The following DLGAP2 variants were observed in gnomAD, a reference collection of about 807,000 sequenced individuals.
DLGAP2 encodes the protein DLG associated protein 2, also known as disks large-associated protein 2.
A neutral mutation model predicts 100.3 loss-of-function variants in DLGAP2; 26 were observed. The observed-to-expected ratio is 0.26, with a 90% confidence interval of 0.19 to 0.36. DLGAP2 has a LOEUF of 0.36. Ranked by LOEUF, DLGAP2 falls within the 10% of genes least tolerant of loss-of-function variation. The pLI, the probability that DLGAP2 is intolerant of heterozygous loss-of-function variation, is 1.00. For synonymous variants in DLGAP2, 886 were observed against 630.1 expected (o/e 1.41, Z -6.08); for missense variants, 1,858 against 1,453.2 (o/e 1.28, Z -4.53).
At chr8:1,669,069 C>T (rs774656131) in intron 9 of DLGAP2, among the ~76,000 whole-genome samples, 13 of 152,142 alleles carry the variant, frequency 8.5e-5, no homozygotes, top group African/African-American at 1.2e-4. Context: ...AAAAGCTTTT[C>T]GGTATTGTGG....
At position 737,761 on chromosome 8, in the gene DLGAP2, C is replaced by T. The variant is rs898759771; in HGVS notation, c.-47C>T. On this transcript the variant is annotated 5_prime_UTR_variant, in exon 1 of 15. Coordinates refer to ENST00000637795, the MANE Select transcript of DLGAP2 (RefSeq NM_001346810.2). ...GGGAGCCGTCGGTCTGAGGAGGGGC[C>T]GCTTCGCCATGTCGCCCCGCACCTG... The T allele has an allele frequency of 1.3e-5, 5 of 377,286 alleles. No homozygotes were observed. Among genetic ancestry groups the T allele is most frequent in the African/African-American group, 1.1e-4 (5 of 47,548 alleles). The allele number at this position is 377,286 out of a possible 1,614,324, so 23.4% of individuals were successfully genotyped here.
In DLGAP2 at chr8:1,384,866, GCA is replaced by G. The variant is rs746085212; in HGVS notation, c.107-116497_107-116496del. Reference sequence around the variant, plus strand: ...TATGCCCGTCCCCTGAGAACTTGGTGCACAGTTACCCCGGTCTGTGCCCGTCC... The same window carrying G: ...TATGCCCGTCCCCTGAGAACTTGGTGCAGTTACCCCGGTCTGTGCCCGTCC... On this transcript the variant is annotated intron_variant, in intron 3 of 14. Coordinates refer to ENST00000637795, the MANE Select transcript of DLGAP2 (RefSeq NM_001346810.2). 9.5e-3 allele frequency among the ~76,000 whole-genome samples: 229 copies of G among 24,126 alleles called. 59 individuals are homozygous for G. The highest frequency in any genetic ancestry group is 0.079 in the East Asian group (9 of 114). The allele number at this position is 24,126 out of a possible 152,430, so 15.8% of individuals were successfully genotyped here. A position where few individuals can be genotyped will look rare whatever the true frequency, so the allele number is the denominator to read the frequency against.
At chr8:1,463,225 G>C (rs1584928265) in intron 3 of DLGAP2, among the ~76,000 whole-genome samples, 1 of 152,178 alleles carries the variant, frequency 6.6e-6, no homozygotes, top group Non-Finnish European at 1.5e-5. Context: ...CTCCAGCCTG[G>C]GTGACAGGGC....
intron 2 of DLGAP2, among the ~76,000 whole-genome samples, chr8:1,040,058 G>A (rs186528333): frequency 0.032 from 4,517 of 141,688 alleles, 177 homozygotes; most frequent in African/African-American, 0.12. Context: ...CTCGGTGTGC[G>A]TGGTCAGCTC....
At chr8:1,000,056 T>G (rs1352546414) in intron 2 of DLGAP2, among the ~76,000 whole-genome samples, 1 of 147,140 alleles carries the variant, frequency 6.8e-6, no homozygotes, top group African/African-American at 2.5e-5. Flanking sequence ...CTGGATTTTC[T>G]CTAGAGCAGA....
chr8:958,792 G>T (rs1159308410), intron 2 of DLGAP2, among the ~76,000 whole-genome samples: 1 of 152,146 alleles, frequency 6.6e-6, no homozygotes, highest in Admixed American at 6.6e-5. Flanking sequence ...AATGGAAAGG[G>T]CATATTGTGA....
intron 8 of DLGAP2, among the ~76,000 whole-genome samples, chr8:1,652,484 G>C (rs1798189967): frequency 6.6e-6 from 1 of 152,160 alleles, no homozygotes; most frequent in South Asian, 2.1e-4. Context: ...CTCTCTGTGT[G>C]AACTACTACC....
At chr8:1,267,804 G>A (rs1465757512) in intron 3 of DLGAP2, among the ~76,000 whole-genome samples, 3 of 151,804 alleles carry the variant, frequency 2.0e-5, no homozygotes, top group African/African-American at 7.3e-5. Context: ...TTTGTCCCAC[G>A]CTGAGCTCAG....
intron 3 of DLGAP2, among the ~76,000 whole-genome samples, chr8:1,264,976 G>C (rs766278222): frequency 6.6e-6 from 1 of 152,176 alleles, no homozygotes; most frequent in Non-Finnish European, 1.5e-5. Flanking sequence ...AAGACATGCC[G>C]TTGCTCCTCC....
At chr8:937,177 C>T (rs1799091541) in intron 2 of DLGAP2, among the ~76,000 whole-genome samples, 1 of 152,166 alleles carries the variant, frequency 6.6e-6, no homozygotes, top group South Asian at 2.1e-4. Context: ...TGCTGCCTGT[C>T]TTGCTGTTGT....
At chr8:1,248,955 C>T (rs150081400) in intron 2 of DLGAP2, among the ~76,000 whole-genome samples, 3 of 152,258 alleles carry the variant, frequency 2.0e-5, no homozygotes, top group East Asian at 1.9e-4. Flanking sequence ...CTCAGAGAGG[C>T]TGTGAAGGCT....
intron 8 of DLGAP2, among the ~76,000 whole-genome samples, chr8:1,642,567 T>C (rs866525585): frequency 0.03 from 4 of 134 alleles, no homozygotes; most frequent in Non-Finnish European, 0.034. Context: ...ACCCCGCCGG[T>C]CCTCACCTGT....
chr8:1,131,989 G>T (rs140699442), intron 2 of DLGAP2, among the ~76,000 whole-genome samples: 74 of 152,298 alleles, frequency 4.9e-4, no homozygotes, highest in Non-Finnish European at 8.4e-4. Flanking sequence ...AGCTTGACCA[G>T]CTGTGAAAGA....
chr8:1,358,802 G>C (rs1236573022), intron 3 of DLGAP2, among the ~76,000 whole-genome samples: 2 of 152,148 alleles, frequency 1.3e-5, no homozygotes, highest in African/African-American at 4.8e-5. Flanking sequence ...GAACCGAACT[G>C]CCTGATCAGG....
chr8:875,807 G>T (rs537554238), intron 1 of DLGAP2, among the ~76,000 whole-genome samples: 21 of 151,822 alleles, frequency 1.4e-4, no homozygotes, highest in Non-Finnish European at 2.7e-4. Flanking sequence ...CATTTATTTC[G>T]TGTTTGCTCT....
intron 2 of DLGAP2, among the ~76,000 whole-genome samples, chr8:1,197,928 A>T (rs1797788095): frequency 1.3e-5 from 2 of 152,150 alleles, no homozygotes; most frequent in African/African-American, 2.4e-5. Flanking sequence ...GCATCCTCCC[A>T]GAACTGGCCC....
Position 1,209,984 on chromosome 8 carries a change from C to G in DLGAP2, c.74-48867C>G, listed in dbSNP as rs566237640. ...CTTTTTAGCAACTCAAATAATTTGC[C>G]AGTTTCATAATCTCCAGGATTCAGT... On this transcript the variant is annotated intron_variant, in intron 2 of 14. Coordinates refer to ENST00000637795, the MANE Select transcript of DLGAP2 (RefSeq NM_001346810.2). Among the ~76,000 whole-genome samples the G allele has an allele frequency of 1.7e-3, 266 of 152,304 alleles. 1 individual carries two copies. Among genetic ancestry groups the G allele is most frequent in the African/African-American group, 6.1e-3 (255 of 41,566 alleles).
intron 6 of DLGAP2, among the ~76,000 whole-genome samples, chr8:1,601,873 A>AGACATTTTTTTCACC (rs1482666479): frequency 1.3e-5 from 2 of 151,908 alleles, no homozygotes; most frequent in Non-Finnish European, 2.9e-5. Flanking sequence ...CTGTTCAGTG[A>AGACATTTTTTTCACC]GACATTTTTT....
intron 12 of DLGAP2, 192 bp downstream of exon 12, chr8:1,678,821 C>T (rs867347778): frequency 5.0e-6 from 3 of 601,576 alleles, no homozygotes; most frequent in Non-Finnish European, 7.6e-6. Context: ...GCAGTCACTA[C>T]GATATCGAAG....
Sources: gnomAD v4.1 joint callset for allele counts (sites outside exome capture counted in the v4.1 genomes callset) on GRCh38, gnomAD v4.1.1 for gene constraint, MANE v1.5 for transcripts, NCBI Gene and HGNC (gene_info 2026-07-23, HGNC 2026-07-21) for gene names.